GALNT13: variants seen among roughly 807,000 people sequenced by gnomAD.
GALNT13 encodes the protein polypeptide N-acetylgalactosaminyltransferase 13.
Under a neutral mutation model 64.2 loss-of-function variants are expected in GALNT13, and 28 were observed. That is an observed-to-expected ratio of 0.44 (90% CI 0.32 to 0.60). The LOEUF is 0.60. GALNT13 is among the 20% of genes least tolerant of loss of function. The probability of loss-of-function intolerance (pLI) is 0.05; values close to 1 mark genes in which losing one functional copy is unlikely to be tolerated. For missense variants in GALNT13, 577 were observed against 669.8 expected, an observed-to-expected ratio of 0.86 and a Z score of 1.53; for synonymous variants, 214 against 224.6, an observed-to-expected ratio of 0.95 and a Z score of 0.42.
At chr2:154,097,209 G>T (rs1169611905) in intron 3 of GALNT13, among the ~76,000 whole-genome samples, 1 of 151,882 alleles carries the variant, frequency 6.6e-6, no homozygotes, top group African/African-American at 2.4e-5. Flanking sequence ...CATTAGCCTA[G>T]GTTTTAATGG....
At chr2:154,206,451 A>G (rs1366754691) in intron 4 of GALNT13, among the ~76,000 whole-genome samples, 4 of 152,026 alleles carry the variant, frequency 2.6e-5, no homozygotes, top group African/African-American at 9.7e-5. Flanking sequence ...ACTTACAAAT[A>G]TTTACCTAGT....
In GALNT13 at chr2:154,439,784, A is replaced by C. The variant is rs143676594; in HGVS notation, c.1530+1058A>C. ...ATTTGAAACTGGTTGTGCAGGGTTA[A>C]TTTTGGGCCTAACACTCATACAGTG... On this transcript the variant is annotated intron_variant, in intron 12 of 12. Transcript: ENST00000392825. Among the ~76,000 whole-genome samples, 17 of 152,244 alleles carry C rather than the reference A, an allele frequency of 1.1e-4. No homozygotes were observed. The East Asian group carries it at 3.3e-3, about 29-fold the overall frequency.
At chr2:154,272,559 A>G (rs2105924804) in intron 8 of GALNT13, among the ~76,000 whole-genome samples, 1 of 152,234 alleles carries the variant, frequency 6.6e-6, no homozygotes. Flanking sequence ...ACTTAAATTC[A>G]GCGGTTTGAA....
the GALNT13 span, among the ~76,000 whole-genome samples, chr2:153,372,572 G>T: frequency 5.9e-5 from 9 of 152,158 alleles, 1 homozygote; most frequent in Middle Eastern, 6.8e-3. Flanking sequence ...CTTGAACCAG[G>T]GGGGCAGAGG....
At chr2:153,546,172 A>G in the GALNT13 span, among the ~76,000 whole-genome samples, 1 of 152,194 alleles carries the variant, frequency 6.6e-6, no homozygotes, top group East Asian at 1.9e-4. Flanking sequence ...TGCATTTAAA[A>G]CTGGCATTTC....
At chr2:153,734,293 G>A in the GALNT13 span, among the ~76,000 whole-genome samples, 2 of 152,120 alleles carry the variant, frequency 1.3e-5, no homozygotes, top group African/African-American at 4.8e-5. Context: ...TCTCATGTGT[G>A]AACTCTTCCT....
At chr2:153,862,711 T>A in the GALNT13 span, among the ~76,000 whole-genome samples, 2 of 152,070 alleles carry the variant, frequency 1.3e-5, no homozygotes, top group Non-Finnish European at 2.9e-5. Context: ...ACATATGATG[T>A]ATTTTATAGC....
chr2:153,766,295 A>G, the GALNT13 span, among the ~76,000 whole-genome samples: 2 of 151,626 alleles, frequency 1.3e-5, no homozygotes, highest in Non-Finnish European at 2.9e-5. Flanking sequence ...ACTTTTTTCT[A>G]TGTCTTTGAT....
chr2:153,569,686 C>T, the GALNT13 span, among the ~76,000 whole-genome samples: 7 of 152,050 alleles, frequency 4.6e-5, no homozygotes, highest in Non-Finnish European at 8.8e-5. Context: ...CTTTGAGTTA[C>T]AAACAATGTA....
At chr2:154,096,168 C>T (rs1407906468) in intron 3 of GALNT13, among the ~76,000 whole-genome samples, 1 of 151,944 alleles carries the variant, frequency 6.6e-6, no homozygotes, top group African/African-American at 2.4e-5. Flanking sequence ...TCCAGTGGAA[C>T]GTACCTAACA....
chr2:153,244,828 C>T, the GALNT13 span, among the ~76,000 whole-genome samples: 2 of 152,198 alleles, frequency 1.3e-5, no homozygotes, highest in South Asian at 2.1e-4. Context: ...GTCAAGTGGT[C>T]TCATTCAGTG....
chr2:153,435,521 GTTCTCCTTGA>G, the GALNT13 span, among the ~76,000 whole-genome samples: 1 of 151,494 alleles, frequency 6.6e-6, no homozygotes, highest in Admixed American at 6.6e-5. Flanking sequence ...GTGGTTTGTA[GTTCTCCTTGA>G]AGAGGTCCTT....
At chr2:153,649,247 T>G in the GALNT13 span, among the ~76,000 whole-genome samples, 1 of 152,234 alleles carries the variant, frequency 6.6e-6, no homozygotes. Flanking sequence ...CTAGTTTATT[T>G]GCACAGAGGT....
At chr2:153,910,390 G>A (rs1688858634) in intron 2 of GALNT13, among the ~76,000 whole-genome samples, 2 of 151,930 alleles carry the variant, frequency 1.3e-5, no homozygotes, top group Non-Finnish European at 2.9e-5. Context: ...GCCAACTCCT[G>A]GATTCATTGA....
the GALNT13 span, among the ~76,000 whole-genome samples, chr2:153,113,882 A>G: frequency 1.3e-5 from 2 of 152,094 alleles, no homozygotes; most frequent in Admixed American, 1.3e-4. Flanking sequence ...AGAAACTTGT[A>G]ATTCTGATTT....
the GALNT13 span, among the ~76,000 whole-genome samples, chr2:153,673,040 A>T: frequency 6.6e-6 from 1 of 152,198 alleles, no homozygotes; most frequent in Non-Finnish European, 1.5e-5. Context: ...GACCAATAAC[A>T]TGTTCTGAAA....
At chr2:153,804,897 TA>T in the GALNT13 span, among the ~76,000 whole-genome samples, 553 of 152,078 alleles carry the variant, frequency 3.6e-3, 3 homozygotes, top group African/African-American at 0.013. Context: ...GGTTGTAAAA[TA>T]AAGGAAACAC....
At chr2:153,585,122 TAAAGAGCTTGAGGAG>T in the GALNT13 span, among the ~76,000 whole-genome samples, 1 of 152,168 alleles carries the variant, frequency 6.6e-6, no homozygotes, top group Non-Finnish European at 1.5e-5. Flanking sequence ...TATTGATTTT[TAAAGAGCTTGAGGAG>T]ATGCAAGAGA....
chr2:154,269,906 G>GTGTATATATATATATA lies in GALNT13; in HGVS notation c.975+10769_975+10770insGTATATATATATATAT, dbSNP rs529424469. ...GTCATATATATATTTATATATATGT[G>GTGTATATATATATATA]TATATATATATATATATATTTCTAA... On this transcript the variant is annotated intron_variant, in intron 8 of 12. Transcript: ENST00000392825. Among the ~76,000 whole-genome samples the GTGTATATATATATATA allele has an allele frequency of 1.0e-3, 98 of 96,836 alleles. 1 individual carries two copies. The highest frequency in any genetic ancestry group is 2.8e-3 in the South Asian group (7 of 2,516). 63.5% of individuals were successfully genotyped at this position (96,836 alleles called of 152,430 possible).
Sources: allele counts gnomAD v4.1 joint callset (sites outside exome capture counted in the v4.1 genomes callset), GRCh38; gene constraint gnomAD v4.1.1; transcripts MANE v1.5; gene names NCBI Gene and HGNC (gene_info 2026-07-23, HGNC 2026-07-21).